The following NEK11 variants were observed in gnomAD, a reference collection of about 807,000 sequenced individuals.
NEK11 encodes the protein NIMA related kinase 11, also known as serine/threonine-protein kinase Nek11.
In NEK11, 72 loss-of-function variants were observed where a neutral mutation model predicts 80.7. The ratio of observed to expected loss-of-function variants is 0.89; its 90% CI spans 0.74 to 1.08. NEK11 has a LOEUF of 1.08. NEK11 is among the 50% of genes least tolerant of loss of function. The pLI is 0.00. For missense variants in NEK11, 764 were observed against 763.6 expected (o/e 1.00, Z -0.01); for synonymous variants, 251 against 260.7 (o/e 0.96, Z 0.36).
chr3:131,298,136 T>A (rs1413689506), intron 17 of NEK11, among the ~76,000 whole-genome samples: 1 of 152,098 alleles, frequency 6.6e-6, no homozygotes, highest in Non-Finnish European at 1.5e-5. Context: ...AGGATTGACT[T>A]GGTGATGCGG....
rs1258804461 is a variant in NEK11 at position 131,228,674 on chromosome 3, AG to A, written c.1547del (p.Arg516LysfsTer25). The A allele has an allele frequency of 6.2e-7, 1 of 1,612,816 alleles. No individual in the cohort carries two copies. The highest frequency in any genetic ancestry group is 8.5e-7 in the Non-Finnish European group (1 of 1,179,244). On this transcript the variant is annotated frameshift_variant, in exon 15 of 18. Coordinates refer to ENST00000383366, the MANE Select transcript of NEK11 (RefSeq NM_024800.5). LOFTEE classifies it high-confidence loss of function. ...IRNEGSQPAYRTNQQDSDIEA... is the reference protein window; with the variant it reads ...IRNEGSQPAYXTNQQDSDIEA... ...GAATGAGGGATCCCAGCCTGCTTAC[AG>A]AACAAACCAACAGGTATGTAATGCT... is the stretch of plus-strand genomic sequence containing the variant.
At chr3:131,132,630 T>C (rs1255438488) in intron 5 of NEK11, 115 bp from the exon 6 acceptor site, 1 of 599,618 alleles carries the variant, frequency 1.7e-6, no homozygotes, top group East Asian at 3.4e-5. Flanking sequence ...GAAAGATATA[T>C]CTATGGGAGT....
At chr3:131,169,890 A>G (rs1236234853) in intron 13 of NEK11, among the ~76,000 whole-genome samples, 1 of 152,186 alleles carries the variant, frequency 6.6e-6, no homozygotes, top group East Asian at 1.9e-4. Context: ...TTATCTGTAA[A>G]GTTCTCTGTG....
At chr3:131,201,915 A>G (rs549132676) in intron 14 of NEK11, among the ~76,000 whole-genome samples, 1 of 151,952 alleles carries the variant, frequency 6.6e-6, no homozygotes, top group African/African-American at 2.4e-5. Context: ...GCTCGCTGCA[A>G]TCTCTGCCTC....
chr3:131,117,020 C>G (rs1462788158), intron 5 of NEK11, among the ~76,000 whole-genome samples: 3 of 152,136 alleles, frequency 2.0e-5, no homozygotes, highest in Non-Finnish European at 2.9e-5. Context: ...GTTGCCATTG[C>G]TTTTGGTGTT....
rs764609238 is a variant in NEK11, at chr3:131,155,085, A to T, written c.926A>T (p.Asp309Val). 1 of 1,612,870 alleles carries T rather than the reference A, an allele frequency of 6.2e-7. No homozygotes were observed. The highest frequency in any genetic ancestry group is 1.1e-5 in the South Asian group (1 of 91,036). ...ATGACTCTGGAAGACAAAAATTTGG[A>T]TTGTCAGAAGGAGGCTGCTCATATA... is the stretch of plus-strand genomic sequence containing the variant. Reference protein sequence around the residue: ...SEMTLEDKNLDCQKEAAHIIN... With the variant: ...SEMTLEDKNLVCQKEAAHIIN... Residue 309 changes from aspartate to valine, a missense_variant, in exon 10 of 18, where the codon GAT becomes GTT. By Grantham distance (152) the Asp-to-Val change is radical. Transcript: ENST00000383366.
chr3:131,125,705 A>C (rs1321503041), intron 5 of NEK11, among the ~76,000 whole-genome samples: 1 of 152,156 alleles, frequency 6.6e-6, no homozygotes, highest in African/African-American at 2.4e-5. Flanking sequence ...GCACTCAATA[A>C]TTGTTTTTTG....
chr3:131,152,296 C>A, intron 7 of NEK11, 92 bp from the exon 8 acceptor site: 2 of 1,086,052 alleles, frequency 1.8e-6, no homozygotes, highest in South Asian at 3.6e-5. Context: ...TGCCTCACAG[C>A]CAATGCCCCA....
intron 17 of NEK11, among the ~76,000 whole-genome samples, chr3:131,316,936 A>C (rs2096846510): frequency 6.6e-6 from 1 of 152,232 alleles, no homozygotes; most frequent in Admixed American, 6.5e-5. Flanking sequence ...GGAATGTAAC[A>C]CTTCAAAAAC....
chr3:131,294,594 A>G (rs1243130160), intron 17 of NEK11, among the ~76,000 whole-genome samples: 1 of 152,044 alleles, frequency 6.6e-6, no homozygotes, highest in Non-Finnish European at 1.5e-5. Flanking sequence ...GGTATTGTCA[A>G]GTTCAACTAT....
At chr3:131,308,598 G>T (rs1045610613) in intron 17 of NEK11, among the ~76,000 whole-genome samples, 1 of 152,040 alleles carries the variant, frequency 6.6e-6, no homozygotes, top group Non-Finnish European at 1.5e-5. Flanking sequence ...TCCTTATATG[G>T]TACACATTTT....
At chr3:131,054,552 G>A (rs943723807) in intron 3 of NEK11, 7 of 151,602 alleles carry the variant, frequency 4.6e-5, no homozygotes, top group African/African-American at 1.7e-4. Context: ...CCCAGGAGGT[G>A]GAGAGCAGCC....
chr3:131,061,303 A>G (rs2070815682), intron 3 of NEK11, among the ~76,000 whole-genome samples: 1 of 152,242 alleles, frequency 6.6e-6, no homozygotes, highest in Non-Finnish European at 1.5e-5. Context: ...GCAGGAGCAC[A>G]TTGCCTCATT....
intron 14 of NEK11, among the ~76,000 whole-genome samples, chr3:131,226,697 G>A (rs945685935): frequency 2.0e-5 from 3 of 152,130 alleles, no homozygotes; most frequent in Non-Finnish European, 2.9e-5. Context: ...GTGGGAGGGA[G>A]GTAAGGGATA....
chr3:131,168,425 C>T (rs1303549158), intron 12 of NEK11, among the ~76,000 whole-genome samples: 1 of 148,692 alleles, frequency 6.7e-6, no homozygotes, highest in Non-Finnish European at 1.5e-5. Context: ...GGCGGGATCT[C>T]GGCTCACTGC....
chr3:131,133,760 C>T (rs2084988531), intron 6 of NEK11, 70 bp from the exon 7 acceptor site: 4 of 1,242,620 alleles, frequency 3.2e-6, no homozygotes, highest in Non-Finnish European at 2.3e-6. Context: ...GGCACTCATT[C>T]AGTTGTTAAT....
chr3:131,342,622 C>A (rs1334634742), intron 17 of NEK11, among the ~76,000 whole-genome samples: 4 of 148,812 alleles, frequency 2.7e-5, no homozygotes, highest in African/African-American at 1.0e-4. Flanking sequence ...GATAGAGCTA[C>A]AAAATTGTTT....
At chr3:131,289,710 G>T (rs769979149) in intron 17 of NEK11, among the ~76,000 whole-genome samples, 73 of 152,206 alleles carry the variant, frequency 4.8e-4, no homozygotes, top group Non-Finnish European at 9.7e-4. Context: ...GTGGTGTACA[G>T]TTCCAGACCT....
At chr3:131,154,721 A>G in intron 9 of NEK11, 1 of 251,956 alleles carries the variant, frequency 4.0e-6, no homozygotes, top group East Asian at 7.6e-5. Context: ...ACTGTCCTCT[A>G]CAGTCTGGGA....
Sources: gnomAD v4.1 joint callset for allele counts (sites outside exome capture counted in the v4.1 genomes callset) on GRCh38, gnomAD v4.1.1 for gene constraint, MANE v1.5 for transcripts, NCBI Gene and HGNC (gene_info 2026-07-23, HGNC 2026-07-21) for gene names.